ITGA8: variants seen among roughly 807,000 people sequenced by gnomAD.
ITGA8 encodes integrin subunit alpha 8.
ITGA8 carries 91 observed loss-of-function variants against 142.3 expected under a neutral mutation model. The observed-to-expected ratio is 0.64, with a 90% confidence interval of 0.54 to 0.76. The LOEUF (loss-of-function observed/expected upper bound fraction) is 0.76. ITGA8 is among the 30% of genes least tolerant of loss of function. The pLI is 0.00. For synonymous variants in ITGA8, 505 were observed against 485.2 expected (o/e 1.04, Z -0.54); for missense variants, 1,406 against 1,327.7 (o/e 1.06, Z -0.92).
At chr10:15,579,590 T>C (rs1481491378) in intron 23 of ITGA8, among the ~76,000 whole-genome samples, 1 of 152,070 alleles carries the variant, frequency 6.6e-6, no homozygotes, top group Non-Finnish European at 1.5e-5. Flanking sequence ...TATACATTAA[T>C]TGTAAATTTT....
intron 28 of ITGA8, among the ~76,000 whole-genome samples, chr10:15,530,413 G>T (rs994351544): frequency 1.3e-5 from 2 of 151,926 alleles, no homozygotes; most frequent in Non-Finnish European, 2.9e-5. Context: ...GGGCGTGGTG[G>T]CAGGCACCTG....
At chr10:15,637,967 A>G (rs1483108549) in intron 13 of ITGA8, among the ~76,000 whole-genome samples, 1 of 152,136 alleles carries the variant, frequency 6.6e-6, no homozygotes, top group Non-Finnish European at 1.5e-5. Flanking sequence ...ATTCCACGAT[A>G]ATATTCTACA....
At chr10:15,583,570 A>G (rs1274762120) in intron 23 of ITGA8, among the ~76,000 whole-genome samples, 2 of 152,204 alleles carry the variant, frequency 1.3e-5, no homozygotes, top group African/African-American at 2.4e-5. Flanking sequence ...AAGAACACAG[A>G]TGTTTCTCAA....
intron 6 of ITGA8, among the ~76,000 whole-genome samples, chr10:15,675,455 C>T (rs930956041): frequency 1.3e-5 from 2 of 152,182 alleles, no homozygotes; most frequent in East Asian, 1.9e-4. Context: ...CAAAGTATTT[C>T]TCAAATTTCT....
At chr10:15,663,932 T>G (rs1234426856) in intron 8 of ITGA8, among the ~76,000 whole-genome samples, 1 of 152,220 alleles carries the variant, frequency 6.6e-6, no homozygotes, top group African/African-American at 2.4e-5. Context: ...TACAGTTTCC[T>G]TTGTAAAATT....
intron 8 of ITGA8, 60 bp from the exon 9 acceptor site, chr10:15,660,982 C>A: frequency 1.4e-6 from 2 of 1,381,298 alleles, no homozygotes; most frequent in Non-Finnish European, 2.1e-6. Flanking sequence ...CACACACACA[C>A]ACGCCATATA....
intron 15 of ITGA8, among the ~76,000 whole-genome samples, chr10:15,611,106 A>C (rs1215485183): frequency 6.6e-6 from 1 of 152,230 alleles, no homozygotes; most frequent in Non-Finnish European, 1.5e-5. Flanking sequence ...TGTATGATAT[A>C]AAGTTATATC....
chr10:15,623,333 C>T (rs1016922944), intron 13 of ITGA8, among the ~76,000 whole-genome samples: 3 of 152,096 alleles, frequency 2.0e-5, no homozygotes, highest in African/African-American at 7.2e-5. Flanking sequence ...CCTTTTTACA[C>T]TGCCTTCTAG....
chr10:15,522,181 C>T (rs1035871577), intron 28 of ITGA8, among the ~76,000 whole-genome samples: 8 of 152,148 alleles, frequency 5.3e-5, no homozygotes, highest in African/African-American at 1.2e-4. Context: ...GTTATGTGCA[C>T]GTGTGTATCA....
chr10:15,564,106 C>T (rs1253352980), intron 25 of ITGA8, among the ~76,000 whole-genome samples: 1 of 152,132 alleles, frequency 6.6e-6, no homozygotes, highest in South Asian at 2.1e-4. Context: ...GACAGTGTCA[C>T]GTGGCAGGGG....
At chr10:15,656,733 T>A (rs1281781585) in intron 10 of ITGA8, among the ~76,000 whole-genome samples, 1 of 152,208 alleles carries the variant, frequency 6.6e-6, no homozygotes, top group East Asian at 1.9e-4. Context: ...TTTCAGGATT[T>A]ATGCTCTCAC....
At chr10:15,556,193 AT>A (rs573720042) in intron 26 of ITGA8, among the ~76,000 whole-genome samples, 1 of 150,116 alleles carries the variant, frequency 6.7e-6, no homozygotes, top group Non-Finnish European at 1.5e-5. Context: ...CGCCCAGATA[AT>A]TTTTTTTGTA....
At chr10:15,565,606 T>TTTTTTTTTTA in intron 25 of ITGA8, among the ~76,000 whole-genome samples, 1 of 138,404 alleles carries the variant, frequency 7.2e-6, no homozygotes, top group Non-Finnish European at 1.5e-5. Context: ...TTTTTTTTTT[T>TTTTTTTTTTA]TGAGACAGAG....
chr10:15,583,020 G>A (rs1316315379), intron 23 of ITGA8, among the ~76,000 whole-genome samples: 3 of 152,212 alleles, frequency 2.0e-5, no homozygotes, highest in African/African-American at 7.2e-5. Flanking sequence ...ACCAATGAGT[G>A]AATGGATGAA....
chr10:15,518,309 C>A (rs1833000045), intron 29 of ITGA8, among the ~76,000 whole-genome samples: 1 of 152,146 alleles, frequency 6.6e-6, no homozygotes, highest in African/African-American at 2.4e-5. Flanking sequence ...ACTGGAATAT[C>A]CTGTCAATTG....
At chr10:15,717,185 A>G (rs1835469925) in intron 2 of ITGA8, among the ~76,000 whole-genome samples, 1 of 152,206 alleles carries the variant, frequency 6.6e-6, no homozygotes, top group African/African-American at 2.4e-5. Context: ...TGATGTTATG[A>G]GACTATACAA....
chr10:15,628,402 T>G (rs560298920), intron 13 of ITGA8, among the ~76,000 whole-genome samples: 1 of 136,588 alleles, frequency 7.3e-6, no homozygotes, highest in East Asian at 2.5e-4. Context: ...GGCCGATCTC[T>G]GCTCACTGCA....
chr10:15,677,866 T>C (rs1442533064), intron 5 of ITGA8, among the ~76,000 whole-genome samples: 2 of 152,200 alleles, frequency 1.3e-5, no homozygotes, highest in African/African-American at 2.4e-5. Flanking sequence ...CTCAATTAGG[T>C]AAGTTGAACT....
At chr10:15,697,172 AGACT>A (rs1325834107) in intron 2 of ITGA8, among the ~76,000 whole-genome samples, 4 of 152,170 alleles carry the variant, frequency 2.6e-5, no homozygotes, top group Non-Finnish European at 4.4e-5. Context: ...TCTATAAGAT[AGACT>A]AAGATTCAAC....
Sources: gnomAD v4.1 joint callset for allele counts (sites outside exome capture counted in the v4.1 genomes callset) on GRCh38, gnomAD v4.1.1 for gene constraint, MANE v1.5 for transcripts, NCBI Gene and HGNC (gene_info 2026-07-23, HGNC 2026-07-21) for gene names.